The following INPP4B variants were observed in gnomAD, a reference collection of about 807,000 sequenced individuals.
INPP4B encodes the protein inositol polyphosphate-4-phosphatase type II B.
In INPP4B, 55 loss-of-function variants were observed where a neutral mutation model predicts 122.5. The ratio of observed to expected loss-of-function variants is 0.45; its 90% CI spans 0.36 to 0.56. The LOEUF is 0.56. Ranked by LOEUF, INPP4B falls within the 20% of genes least tolerant of loss-of-function variation. INPP4B has a pLI of 0.00. For missense variants in INPP4B, 1,000 were observed against 1,097.7 expected, an observed-to-expected ratio of 0.91 and a Z score of 1.26; for synonymous variants, 403 against 388.7, an observed-to-expected ratio of 1.04 and a Z score of -0.43.
chr4:142,476,249 C>G (rs1044321519), intron 2 of INPP4B, among the ~76,000 whole-genome samples: 1 of 151,974 alleles, frequency 6.6e-6, no homozygotes, highest in Non-Finnish European at 1.5e-5. Context: ...GCTTCATAAG[C>G]AAAGAAGAAA....
intron 7 of INPP4B, among the ~76,000 whole-genome samples, chr4:142,319,882 T>C (rs1327568909): frequency 6.6e-6 from 1 of 152,178 alleles, no homozygotes; most frequent in Non-Finnish European, 1.5e-5. Flanking sequence ...ATCCATTTAT[T>C]TGTTCACGGC....
chr4:142,302,248 T>C (rs1433782160), intron 9 of INPP4B, among the ~76,000 whole-genome samples: 3 of 152,148 alleles, frequency 2.0e-5, no homozygotes, highest in Non-Finnish European at 4.4e-5. Flanking sequence ...ACCACTCTTC[T>C]AGTCATCACC....
At chr4:142,391,167 G>A (rs1797536954) in intron 7 of INPP4B, among the ~76,000 whole-genome samples, 1 of 152,120 alleles carries the variant, frequency 6.6e-6, no homozygotes, top group African/African-American at 2.4e-5. Flanking sequence ...AAATTCCATG[G>A]TCTAAGCCAA....
intron 2 of INPP4B, among the ~76,000 whole-genome samples, chr4:142,625,294 A>C (rs374033680): frequency 0.057 from 8,657 of 151,726 alleles, 288 homozygotes; most frequent in South Asian, 0.099. Context: ...TCTCAGGATA[A>C]AAAATCAATG....
intron 2 of INPP4B, among the ~76,000 whole-genome samples, chr4:142,653,513 C>A (rs1196342979): frequency 2.0e-5 from 3 of 151,782 alleles, no homozygotes; most frequent in Admixed American, 1.3e-4. Context: ...CAAAGAACTC[C>A]AACAAATTTA....
intron 2 of INPP4B, among the ~76,000 whole-genome samples, chr4:142,623,316 T>C (rs1471182058): frequency 6.6e-6 from 1 of 151,958 alleles, no homozygotes; most frequent in Non-Finnish European, 1.5e-5. Flanking sequence ...CTACCTTCTT[T>C]GCCTAATTAC....
chr4:142,645,094 G>T (rs1269256450), intron 2 of INPP4B, among the ~76,000 whole-genome samples: 2 of 151,684 alleles, frequency 1.3e-5, no homozygotes, highest in African/African-American at 4.8e-5. Context: ...AATATACAGA[G>T]GTATTAAATA....
intron 12 of INPP4B, among the ~76,000 whole-genome samples, chr4:142,233,978 TATATAATA>T (rs2149895231): frequency 1.3e-5 from 2 of 152,258 alleles, no homozygotes; most frequent in African/African-American, 4.8e-5. Context: ...AACCTAACCC[TATATAATA>T]ATGTAAAGCC....
At chr4:142,176,036 C>T (rs1247989783) in intron 15 of INPP4B, among the ~76,000 whole-genome samples, 1 of 151,714 alleles carries the variant, frequency 6.6e-6, no homozygotes, top group Non-Finnish European at 1.5e-5. Flanking sequence ...TTTACAGGCT[C>T]CCCGTGGCTT....
intron 9 of INPP4B, among the ~76,000 whole-genome samples, chr4:142,271,089 G>A (rs929204159): frequency 1.3e-4 from 20 of 151,702 alleles, no homozygotes; most frequent in African/African-American, 2.2e-4. Flanking sequence ...TCAGCCTCCC[G>A]AGTAGCTGGG....
chr4:142,722,574 C>G (rs1033534171), intron 2 of INPP4B, among the ~76,000 whole-genome samples: 17 of 152,102 alleles, frequency 1.1e-4, no homozygotes, highest in Admixed American at 3.9e-4. Context: ...TGAAAAAAAT[C>G]ATAAAAGCCA....
rs1279636563 is a variant in INPP4B, at chr4:142,053,478, G to A, written c.2643-24564C>T. Among the ~76,000 whole-genome samples the A allele has an allele frequency of 2.6e-5, 4 of 152,026 alleles. No individual in the cohort carries two copies. In the East Asian group the frequency reaches 7.7e-4, roughly 29 times the overall value. On this transcript the variant is annotated intron_variant, in intron 25 of 25. Coordinates refer to ENST00000262992, the MANE Select transcript of INPP4B (RefSeq NM_001101669.3). ...TATTTTATAAACACTGGTGATATTGGTACTAGTATCATTGTTCTGCTGGGA... is the reference window on the plus strand; with the variant it reads ...TATTTTATAAACACTGGTGATATTGATACTAGTATCATTGTTCTGCTGGGA...
chr4:142,830,404 G>C (rs1781975411), intron 1 of INPP4B, among the ~76,000 whole-genome samples: 2 of 152,126 alleles, frequency 1.3e-5, no homozygotes, highest in Admixed American at 1.3e-4. Context: ...TGGAGGTAGA[G>C]TCCAGACTAT....
In INPP4B at chr4:142,112,528, AC is replaced by A; in HGVS notation, c.2276+13del. 1 of 1,612,140 alleles carries A rather than the reference AC, an allele frequency of 6.2e-7. No homozygotes were observed. The highest frequency in any genetic ancestry group is 1.7e-4 in the Middle Eastern group (1 of 6,032). On this transcript the variant is annotated intron_variant, in intron 22 of 25. Transcript: ENST00000262992. ...AAGAAAAATCTCAAGTGCGACTCTT[AC>A]ACCAAAGCTTACCTTTCAGCCAGAG... is the stretch of plus-strand genomic sequence containing the variant.
intron 2 of INPP4B, among the ~76,000 whole-genome samples, chr4:142,653,980 A>T (rs529348283): frequency 2.0e-5 from 3 of 152,298 alleles, no homozygotes; most frequent in South Asian, 2.1e-4. Flanking sequence ...CAAATGTCCA[A>T]CAATGATAGA....
intron 2 of INPP4B, among the ~76,000 whole-genome samples, chr4:142,537,740 A>AGTGTGTGTGTGTGTGT (rs72363974): frequency 4.4e-4 from 64 of 146,892 alleles, no homozygotes; most frequent in African/African-American, 1.2e-3. Context: ...TGTGTATATG[A>AGTGTGTGTGTGTGTGT]GTGTGTGTGT....
At chr4:142,781,787 T>A (rs926024602) in intron 1 of INPP4B, among the ~76,000 whole-genome samples, 6 of 152,000 alleles carry the variant, frequency 3.9e-5, no homozygotes, top group Non-Finnish European at 7.4e-5. Context: ...TAGAATATAA[T>A]ACTAAAATAA....
chr4:142,052,968 G>A (rs1408079761), intron 25 of INPP4B, among the ~76,000 whole-genome samples: 1 of 151,984 alleles, frequency 6.6e-6, no homozygotes, highest in Non-Finnish European at 1.5e-5. Context: ...AAAGACTAAA[G>A]GGGGAAATGA....
At chr4:142,054,511 G>A (rs1320853177) in intron 25 of INPP4B, among the ~76,000 whole-genome samples, 2 of 151,966 alleles carry the variant, frequency 1.3e-5, no homozygotes, top group African/African-American at 4.8e-5. Context: ...GCTGAAAACA[G>A]CATTTCAGAT....
Sources: gnomAD v4.1 joint callset for allele counts (sites outside exome capture counted in the v4.1 genomes callset) on GRCh38, gnomAD v4.1.1 for gene constraint, MANE v1.5 for transcripts, NCBI Gene and HGNC (gene_info 2026-07-23, HGNC 2026-07-21) for gene names.